Variants in ST8SIA4 observed in about 807,000 individuals in gnomAD.
ST8SIA4 encodes ST8 alpha-N-acetyl-neuraminide alpha-2,8-sialyltransferase 4.
Under a neutral mutation model 33.9 loss-of-function variants are expected in ST8SIA4, and 15 were observed. The ratio of observed to expected loss-of-function variants is 0.44; its 90% CI spans 0.30 to 0.68. The LOEUF is 0.68. Among genes scored for constraint, ST8SIA4 ranks in the 30% least tolerant of loss-of-function variants. The probability of loss-of-function intolerance (pLI) is 0.10; values close to 1 mark genes in which losing one functional copy is unlikely to be tolerated. For synonymous variants in ST8SIA4, 171 were observed against 151.2 expected (o/e 1.13, Z -0.96); for missense variants, 321 against 428.0 (o/e 0.75, Z 2.21).
At chr5:100,871,398 T>C (rs1353169180) in intron 3 of ST8SIA4, among the ~76,000 whole-genome samples, 1 of 152,122 alleles carries the variant, frequency 6.6e-6, no homozygotes, top group East Asian at 1.9e-4. Flanking sequence ...ATCTTTACCA[T>C]ATTACCTTAG....
intron 1 of ST8SIA4, among the ~76,000 whole-genome samples, chr5:100,902,545 A>T (rs1752943441): frequency 6.6e-6 from 1 of 152,210 alleles, no homozygotes; most frequent in Non-Finnish European, 1.5e-5. Context: ...GATTAAAAGG[A>T]CAAGGACACA....
At chr5:100,820,559 G>T (rs192356234) in intron 4 of ST8SIA4, among the ~76,000 whole-genome samples, 1 of 151,912 alleles carries the variant, frequency 6.6e-6, no homozygotes, top group African/African-American at 2.4e-5. Context: ...GTCATAAAAT[G>T]ACCCCTTACA....
Position 100,812,043 on chromosome 5 carries a change from A to T in ST8SIA4, c.884T>A (p.Ile295Asn). ...YTLATRFCDE[I>N]HLYGFWPFPK... ...GAAGGGCCAGAATCCATACAGGTGA[A>T]TTTCATCACAGAATCTTGTGGCAAG... Residue 295 changes from isoleucine to asparagine, a missense_variant, in exon 5 of 5, where the codon ATT becomes AAT. By Grantham distance (149) the Ile-to-Asn change is moderately radical. Coordinates refer to ENST00000231461, the MANE Select transcript of ST8SIA4 (RefSeq NM_005668.6). The T allele has an allele frequency of 6.2e-7, 1 of 1,614,130 alleles. No individual in the cohort carries two copies. Among genetic ancestry groups the T allele is most frequent in the Non-Finnish European group, 8.5e-7 (1 of 1,179,996 alleles).
At chr5:100,828,259 G>A (rs186666953) in intron 4 of ST8SIA4, among the ~76,000 whole-genome samples, 7 of 152,250 alleles carry the variant, frequency 4.6e-5, no homozygotes, top group Admixed American at 2.6e-4. Flanking sequence ...GAGCTGATGA[G>A]TAATAAATTG....
chr5:100,888,742 ACT>A (rs1020222896), intron 2 of ST8SIA4, among the ~76,000 whole-genome samples: 19 of 151,978 alleles, frequency 1.3e-4, no homozygotes, highest in African/African-American at 3.9e-4. Flanking sequence ...GAGGAAAGTA[ACT>A]CATATCTTTT....
rs1274739776 is a variant in ST8SIA4 at position 100,866,828 on chromosome 5, C to G, written c.504-10432G>C. ...AGCAGTCTACATCTGATTCTACACTCAAACTTTTTTTTAATACCTGGGCTA... is the reference window on the plus strand; with the variant it reads ...AGCAGTCTACATCTGATTCTACACTGAAACTTTTTTTTAATACCTGGGCTA... On this transcript the variant is annotated intron_variant, in intron 3 of 4. Transcript: ENST00000231461. Among the ~76,000 whole-genome samples the G allele has an allele frequency of 2.6e-5, 4 of 152,010 alleles. No homozygotes were observed. The South Asian group carries it at 6.2e-4, about 24-fold the overall frequency.
chr5:100,811,794 C>A lies in ST8SIA4; in HGVS notation c.*53G>T. ...CGTGTTTTGGATCCTATTTTCAAAT[C>A]TTCGGAAGCATCTTCAGAAAAGAAG... On this transcript the variant is annotated 3_prime_UTR_variant, in exon 5 of 5. Coordinates refer to ENST00000231461, the MANE Select transcript of ST8SIA4 (RefSeq NM_005668.6). 6.6e-7 allele frequency: 1 copy of A among 1,524,850 alleles called. No homozygotes were observed. Among genetic ancestry groups the A allele is most frequent in the Non-Finnish European group, 8.8e-7 (1 of 1,134,930 alleles). 94.5% of individuals were successfully genotyped at this position (1,524,850 alleles called of 1,614,324 possible).
intron 3 of ST8SIA4, among the ~76,000 whole-genome samples, chr5:100,859,663 A>C (rs1751892482): frequency 6.6e-6 from 1 of 152,124 alleles, no homozygotes; most frequent in South Asian, 2.1e-4. Context: ...ATGGCTTCTC[A>C]TCCCTACATG....
intron 3 of ST8SIA4, chr5:100,885,706 T>A: frequency 1.1e-6 from 1 of 945,892 alleles, no homozygotes; most frequent in Admixed American, 6.2e-5. Context: ...TACTGTTGAG[T>A]TTTTTTCAGT....
intron 3 of ST8SIA4, among the ~76,000 whole-genome samples, chr5:100,868,899 A>G (rs1384849837): frequency 1.3e-5 from 2 of 152,094 alleles, no homozygotes; most frequent in East Asian, 1.9e-4. Flanking sequence ...TCTACTATAT[A>G]TTAAACTCTG....
chr5:100,903,101 G>A lies in ST8SIA4; in HGVS notation c.-146C>T. On this transcript the variant is annotated 5_prime_UTR_variant, in exon 1 of 5. Transcript: ENST00000231461. ...CCGGGATCCCGGGATCAGATCACTG[G>A]GGTCTTCTGTGGCCGAGCTCCCTCT... The A allele has an allele frequency of 1.6e-6, 1 of 622,508 alleles. No homozygotes were observed. The highest frequency in any genetic ancestry group is 2.0e-5 in the South Asian group (1 of 50,864). The allele number at this position is 622,508 out of a possible 1,614,324, so 38.6% of individuals were successfully genotyped here. A position where few individuals can be genotyped will look rare whatever the true frequency, so the allele number is the denominator to read the frequency against.
intron 2 of ST8SIA4, among the ~76,000 whole-genome samples, chr5:100,895,244 C>T (rs978142076): frequency 2.0e-5 from 3 of 152,056 alleles, no homozygotes; most frequent in African/African-American, 7.2e-5. Flanking sequence ...TATTTATAAT[C>T]GTCAGCACAA....
Position 100,864,124 on chromosome 5 carries a change from AATG to A in ST8SIA4, c.504-7731_504-7729del, listed in dbSNP as rs1451140007. ...AGGAACCAAAAAATGAATAAATTAA[AATG>A]ATAAGACATCATAAAGACAACAATT... On this transcript the variant is annotated intron_variant, in intron 3 of 4. Coordinates refer to ENST00000231461, the MANE Select transcript of ST8SIA4 (RefSeq NM_005668.6). Among the ~76,000 whole-genome samples, 6 of 152,370 alleles carry A rather than the reference AATG, an allele frequency of 3.9e-5. No homozygotes were observed. The East Asian group carries it at 9.6e-4, about 24-fold the overall frequency.
intron 4 of ST8SIA4, among the ~76,000 whole-genome samples, chr5:100,831,280 G>A (rs999854130): frequency 3.3e-5 from 5 of 152,136 alleles, no homozygotes; most frequent in Non-Finnish European, 7.4e-5. Flanking sequence ...TTACCCTGGG[G>A]TGACTGACAG....
chr5:100,877,868 TTAAC>T (rs1363338693), intron 3 of ST8SIA4, among the ~76,000 whole-genome samples: 1 of 152,210 alleles, frequency 6.6e-6, no homozygotes, highest in Non-Finnish European at 1.5e-5. Flanking sequence ...TGAGCTGAAA[TTAAC>T]TTTTGTCTTT....
At chr5:100,843,106 ACCTAAGAATT>A (rs1490764893) in intron 4 of ST8SIA4, among the ~76,000 whole-genome samples, 2 of 151,906 alleles carry the variant, frequency 1.3e-5, no homozygotes, top group Non-Finnish European at 2.9e-5. Context: ...TAAGCTATTT[ACCTAAGAATT>A]CCTAATTACT....
intron 4 of ST8SIA4, among the ~76,000 whole-genome samples, chr5:100,835,541 T>A (rs774924042): frequency 6.6e-6 from 1 of 152,156 alleles, no homozygotes; most frequent in Non-Finnish European, 1.5e-5. Flanking sequence ...TAAAATAAGG[T>A]TCTCCACTAA....
chr5:100,894,765 A>G (rs985331893), intron 2 of ST8SIA4, among the ~76,000 whole-genome samples: 7 of 152,200 alleles, frequency 4.6e-5, no homozygotes, highest in Admixed American at 2.6e-4. Context: ...GTGAGTAGGT[A>G]GAAACCCAGG....
intron 3 of ST8SIA4, among the ~76,000 whole-genome samples, chr5:100,872,103 T>C (rs1193103519): frequency 1.3e-5 from 2 of 152,094 alleles, no homozygotes; most frequent in Non-Finnish European, 2.9e-5. Flanking sequence ...ATTAATTTTC[T>C]CATTAATTTA....
Sources: gnomAD v4.1 joint callset for allele counts (sites outside exome capture counted in the v4.1 genomes callset) on GRCh38, gnomAD v4.1.1 for gene constraint, MANE v1.5 for transcripts, NCBI Gene and HGNC (gene_info 2026-07-23, HGNC 2026-07-21) for gene names.